DNAH8: variants seen among roughly 807,000 people sequenced by gnomAD.
DNAH8 encodes the protein axonemal beta dynein heavy chain 8.
Under a neutral mutation model 562.1 loss-of-function variants are expected in DNAH8, and 382 were observed. That is an observed-to-expected ratio of 0.68 (90% confidence interval 0.63 to 0.74). The LOEUF (loss-of-function observed/expected upper bound fraction) is 0.74, where lower values mean the gene tolerates loss of function less well. Among genes scored for constraint, DNAH8 ranks in the 30% least tolerant of loss-of-function variants. DNAH8 has a pLI of 0.00. For synonymous variants in DNAH8, 1,881 were observed against 1,919.4 expected, an observed-to-expected ratio of 0.98 and a Z score of 0.52; for missense variants, 5,203 against 5,620.4, an observed-to-expected ratio of 0.93 and a Z score of 2.37.
At chr6:38,892,927 T>A (rs952776596) in intron 58 of DNAH8, among the ~76,000 whole-genome samples, 5 of 152,192 alleles carry the variant, frequency 3.3e-5, no homozygotes, top group Admixed American at 3.3e-4. Flanking sequence ...TCAGAGCGAC[T>A]GTTCCAATCA....
chr6:38,896,291 A>G, intron 60 of DNAH8, 66 bp downstream of exon 60: 1 of 1,302,628 alleles, frequency 7.7e-7, no homozygotes, highest in Non-Finnish European at 1.1e-6. Context: ...TTCTCTCTGC[A>G]CCAGAGTCCT....
At chr6:38,911,650 A>G in intron 66 of DNAH8, 64 bp downstream of exon 66, 1 of 1,130,342 alleles carries the variant, frequency 8.8e-7, no homozygotes, top group Non-Finnish European at 1.3e-6. Flanking sequence ...GGATCTCAAT[A>G]TTTTGTTTGG....
chr6:38,802,522 C>A (rs1385981951), intron 21 of DNAH8, among the ~76,000 whole-genome samples: 1 of 152,228 alleles, frequency 6.6e-6, no homozygotes, highest in Non-Finnish European at 1.5e-5. Flanking sequence ...CTTCCTAAAG[C>A]ATTTGCTAGT....
intron 24 of DNAH8, among the ~76,000 whole-genome samples, chr6:38,811,349 C>T (rs1771777521): frequency 6.6e-6 from 1 of 152,164 alleles, no homozygotes; most frequent in African/African-American, 2.4e-5. Context: ...GTCCTGGGCA[C>T]ACTGGACATG....
At chr6:38,813,492 C>A (rs1285593580) in intron 24 of DNAH8, among the ~76,000 whole-genome samples, 1 of 151,894 alleles carries the variant, frequency 6.6e-6, no homozygotes, top group Non-Finnish European at 1.5e-5. Context: ...AGAGAATGGA[C>A]AGTTTACATT....
At chr6:38,989,848 C>T (rs571359421) in intron 87 of DNAH8, among the ~76,000 whole-genome samples, 164 bp from the exon 88 acceptor site, 2 of 152,194 alleles carry the variant, frequency 1.3e-5, no homozygotes, top group South Asian at 4.2e-4. Flanking sequence ...CTCTTTTCTC[C>T]ATATATGTGG....
At chr6:38,872,499 T>A in intron 49 of DNAH8, 37 bp from the exon 50 acceptor site, 1 of 1,598,448 alleles carries the variant, frequency 6.3e-7, no homozygotes, top group Non-Finnish European at 8.5e-7. Context: ...AAGAGACTCA[T>A]AAATTACATA....
intron 31 of DNAH8, among the ~76,000 whole-genome samples, chr6:38,833,370 GT>G (rs1232282219): frequency 4.7e-4 from 69 of 145,888 alleles, no homozygotes; most frequent in African/African-American, 1.7e-3. Flanking sequence ...CTTATATAAT[GT>G]TTTTTTTTTA....
In DNAH8 at chr6:38,744,533, T is replaced by C. The variant is rs117411009; in HGVS notation, c.1293+2646T>C. On this transcript the variant is annotated intron_variant, in intron 8 of 92. Transcript: ENST00000327475. ...ATATTTCTTTTGTGAATTTTCTTTTTGTATCTTTCCCTTATTTAGAAAAAT... is the reference window on the plus strand; with the variant it reads ...ATATTTCTTTTGTGAATTTTCTTTTCGTATCTTTCCCTTATTTAGAAAAAT... 9.0e-3 allele frequency: 1,366 copies of C among 152,338 alleles called. 13 individuals carry two copies. The highest frequency in any genetic ancestry group is 0.067 in the South Asian group (321 of 4,826). The allele number at this position is 152,338 out of a possible 1,614,324, so 9.4% of individuals were successfully genotyped here. A position where few individuals can be genotyped will look rare whatever the true frequency, so the allele number is the denominator to read the frequency against.
chr6:39,017,945 A>G (rs1367971509), intron 91 of DNAH8, among the ~76,000 whole-genome samples: 1 of 152,178 alleles, frequency 6.6e-6, no homozygotes, highest in Non-Finnish European at 1.5e-5. Flanking sequence ...ATGGACCTTT[A>G]AGATTGGAAG....
chr6:38,923,998 G>A lies in DNAH8; in HGVS notation c.10798G>A (p.Gly3600Ser), dbSNP rs906560178. The change falls in exon 73 of 93, where the codon GGT (glycine) becomes AGT (serine). Residue 3600 changes from glycine (G) to serine (S), a missense_variant. Around this residue, in one of 6 missense-constraint regions of DNAH8, gnomAD observed 1,399 missense variants for 1,518.4 expected, o/e 0.92. Coordinates refer to ENST00000327475, the MANE Select transcript of DNAH8 (RefSeq NM_001206927.2). Reference sequence around the variant, plus strand: ...TGTGTGTTTTCTTCACAGACTTGTAGGTGATATTCTGCTGTGCACGGGATT... The same window carrying A: ...TGTGTGTTTTCTTCACAGACTTGTAAGTGATATTCTGCTGTGCACGGGATT... ...EFKAQINRLV[G>S]DILLCTGFLS... The A allele has an allele frequency of 1.2e-6, 2 of 1,613,928 alleles. No individual in the cohort carries two copies. Among genetic ancestry groups the A allele is most frequent in the East Asian group, 2.2e-5 (1 of 44,858 alleles).
intron 87 of DNAH8, among the ~76,000 whole-genome samples, chr6:38,988,035 A>G (rs1403378214): frequency 6.6e-6 from 1 of 151,694 alleles, no homozygotes; most frequent in Non-Finnish European, 1.5e-5. Context: ...CCTCCACTTT[A>G]CCCTAACCAT....
chr6:38,953,546 A>G (rs1762057161), intron 82 of DNAH8, among the ~76,000 whole-genome samples: 1 of 152,132 alleles, frequency 6.6e-6, no homozygotes, highest in South Asian at 2.1e-4. Context: ...CCAGGCTTCT[A>G]TTGATTACTT....
At position 39,030,756 on chromosome 6, in the gene DNAH8, G is replaced by A. The variant is rs112421812; in HGVS notation, c.*364G>A. 4.6e-5 allele frequency among the ~76,000 whole-genome samples: 7 copies of A among 152,236 alleles called. No individual in the cohort carries two copies. The highest frequency in any genetic ancestry group is 7.2e-5 in the African/African-American group (3 of 41,546). On this transcript the variant is annotated 3_prime_UTR_variant, in exon 93 of 93. Transcript: ENST00000327475. The stretch of plus-strand genomic sequence containing the variant: ...AGTTGTAAACTTTTCCCTCAAGTAG[G>A]TACCAATTTCCCTTGAATAAAATCT...
At chr6:38,859,647 T>C (rs1776456883) in intron 42 of DNAH8, among the ~76,000 whole-genome samples, 1 of 152,242 alleles carries the variant, frequency 6.6e-6, no homozygotes, top group Non-Finnish European at 1.5e-5. Context: ...AATGTGGTTA[T>C]GATGGAATGG....
chr6:38,883,073 C>A, intron 54 of DNAH8, 21 bp downstream of exon 54: 2 of 1,555,454 alleles, frequency 1.3e-6, no homozygotes, highest in Non-Finnish European at 1.7e-6. Context: ...TAGATAGTTC[C>A]TTAAATGATC....
At chr6:38,883,146 C>T (rs1778640491) in intron 54 of DNAH8, 94 bp downstream of exon 54, 2 of 1,347,394 alleles carry the variant, frequency 1.5e-6, no homozygotes, top group South Asian at 1.6e-5. Context: ...TTATAGTACA[C>T]ATTTTACATT....
In DNAH8 at chr6:38,893,763, G is replaced by C. The variant is rs142416790; in HGVS notation, c.8584-938G>C. ...CTCAATAGGGTAATTTTTCAGTATA[G>C]AAAGGGCTTAATTTATGAACAGATG... is the stretch of plus-strand genomic sequence containing the variant. On this transcript the variant is annotated intron_variant, in intron 58 of 92. Coordinates refer to ENST00000327475, the MANE Select transcript of DNAH8 (RefSeq NM_001206927.2). Among the ~76,000 whole-genome samples, 11 of 152,286 alleles carry C rather than the reference G, an allele frequency of 7.2e-5. No individual in the cohort carries two copies. The East Asian group carries it at 2.1e-3, about 29-fold the overall frequency.
At position 38,874,172 on chromosome 6, in the gene DNAH8, TTCTTTCTTTCTCTCTC is replaced by T. The variant is rs1211004366; in HGVS notation, c.7620+812_7620+827del. ...CCTTCCTTCCTTCCTCCTTCTCTCT[TTCTTTCTTTCTCTCTC>T]TCTTTCTTTCTCTCTTTCTTTCTTT... On this transcript the variant is annotated intron_variant, in intron 52 of 92. Transcript: ENST00000327475. 8.6e-5 allele frequency among the ~76,000 whole-genome samples: 9 copies of T among 104,478 alleles called. 2 individuals are homozygous for T. Among genetic ancestry groups the T allele is most frequent in the African/African-American group, 2.0e-4 (6 of 30,238 alleles). The allele number at this position is 104,478 out of a possible 152,430, so 68.5% of individuals were successfully genotyped here. A position where few individuals can be genotyped will look rare whatever the true frequency, so the allele number is the denominator to read the frequency against.
Sources: gnomAD v4.1 joint callset for allele counts (sites outside exome capture counted in the v4.1 genomes callset) on GRCh38, gnomAD v4.1.1 for gene constraint, gnomAD v4.1.1 regional missense constraint, MANE v1.5 for transcripts, NCBI Gene and HGNC (gene_info 2026-07-23, HGNC 2026-07-21) for gene names.